SHROOM2: variants seen among roughly 807,000 people sequenced by gnomAD.
The protein encoded by SHROOM2 is protein Shroom2.
A neutral mutation model predicts 75.9 loss-of-function variants in SHROOM2; 33 were observed. The ratio of observed to expected loss-of-function variants is 0.43; its 90% CI spans 0.33 to 0.58. The LOEUF is 0.58. Among genes scored for constraint, SHROOM2 ranks in the 20% least tolerant of loss-of-function variants. The pLI, the probability that SHROOM2 is intolerant of heterozygous loss-of-function variation, is 0.04. For missense variants in SHROOM2, 1,434 were observed against 1,461.2 expected, an observed-to-expected ratio of 0.98 and a Z score of 0.30; for synonymous variants, 655 against 663.6, an observed-to-expected ratio of 0.99 and a Z score of 0.20.
At chrX:9,913,218 A>G (rs1434459902) in intron 5 of SHROOM2, 1 of 112,589 alleles carries the variant, frequency 8.9e-6, no homozygotes, top group Non-Finnish European at 1.9e-5. Context: ...GCGGACATTG[A>G]GAAAAAATGG....
intron 2 of SHROOM2, among the ~76,000 whole-genome samples, chrX:9,877,050 C>T (rs1440762562): frequency 8.9e-6 from 1 of 112,071 alleles, no homozygotes; most frequent in African/African-American, 3.2e-5. Flanking sequence ...TTTGTAGGCT[C>T]ATTTTATCTT....
rs185639335 is a variant in SHROOM2 at position 9,873,067 on chromosome X, G to C, written c.166-585G>C. On this transcript the variant is annotated intron_variant, in intron 1 of 9. Coordinates refer to ENST00000380913, the MANE Select transcript of SHROOM2 (RefSeq NM_001649.4). ...TTGTATTACTCCATTTATGTGAACT[G>C]TCTAGGACAGGCAAATTCATGGACA... Among the ~76,000 whole-genome samples the C allele has an allele frequency of 4.9e-3, 551 of 112,181 alleles. 1 individual carries two copies. Among genetic ancestry groups the C allele is most frequent in the African/African-American group, 0.017 (535 of 30,845 alleles).
intron 5 of SHROOM2, among the ~76,000 whole-genome samples, chrX:9,928,567 GAC>G (rs1178575311): frequency 9.0e-6 from 1 of 111,615 alleles, no homozygotes; most frequent in African/African-American, 3.3e-5. Flanking sequence ...GCACAACAGA[GAC>G]ACACGTACCT....
At chrX:9,931,275 A>T (rs2084645930) in intron 5 of SHROOM2, among the ~76,000 whole-genome samples, 1 of 109,576 alleles carries the variant, frequency 9.1e-6, no homozygotes, top group African/African-American at 3.3e-5. Flanking sequence ...ACACTTTGGG[A>T]GGCCGAGGCA....
rs1395621957 is a variant in SHROOM2, at chrX:9,932,471, A to G, written c.3188A>G (p.Gln1063Arg). 2 of 1,206,129 alleles carry G rather than the reference A, an allele frequency of 1.7e-6. No homozygotes were observed. Among genetic ancestry groups the G allele is most frequent in the Non-Finnish European group, 1.1e-6 (1 of 892,811 alleles). ...SALLSKRPAP[Q>R]RPPPPKREPR... ...CTGCTCTCCAAGAGGCCAGCCCCAC[A>G]GAGGCCACCGCCACCCAAGCGCGAG... Residue 1063 changes from glutamine (Q) to arginine (R), a missense_variant, in exon 6 of 10, where the codon CAG becomes CGG. Physicochemically the swap from Gln to Arg is conservative, Grantham distance 43. This residue lies in a region of SHROOM2 where 1,340 missense variants were observed against 1,338.3 expected (regional missense o/e 1.00). Coordinates refer to ENST00000380913, the MANE Select transcript of SHROOM2 (RefSeq NM_001649.4).
At chrX:9,910,040 C>G (rs1456376428) in intron 5 of SHROOM2, among the ~76,000 whole-genome samples, 1 of 110,294 alleles carries the variant, frequency 9.1e-6, no homozygotes, top group Non-Finnish European at 1.9e-5. Context: ...ACCTCATCAC[C>G]TCCCAGAGGC....
chrX:9,830,696 G>A (rs2083911915), intron 1 of SHROOM2, among the ~76,000 whole-genome samples: 1 of 99,947 alleles, frequency 1.0e-5, no homozygotes, highest in Non-Finnish European at 2.0e-5. Flanking sequence ...CCACCTCTTG[G>A]GTTCGAGCGA....
At chrX:9,846,145 G>A (rs1016579282) in intron 1 of SHROOM2, among the ~76,000 whole-genome samples, 66 of 109,166 alleles carry the variant, frequency 6.0e-4, no homozygotes, top group Middle Eastern at 4.2e-3. Flanking sequence ...TTTGAGACAG[G>A]ATCTCACTCT....
At chrX:9,893,285 T>C (rs185787422) in intron 3 of SHROOM2, among the ~76,000 whole-genome samples, 26 of 111,145 alleles carry the variant, frequency 2.3e-4, no homozygotes, top group East Asian at 8.5e-4. Flanking sequence ...TAAAAAGTTT[T>C]TATAGAGATG....
Position 9,895,384 on chromosome X carries a change from G to A in SHROOM2, c.1476G>A (p.Ala492=), listed in dbSNP as rs374614082. 46 of 1,199,797 alleles carry A rather than the reference G, an allele frequency of 3.8e-5. No homozygotes were observed. Among genetic ancestry groups the A allele is most frequent in the Middle Eastern group, 2.3e-4 (1 of 4,307 alleles). ...QGDLQAAQLW[A]GCWPSDTALG... is the part of the protein sequence containing the mutation. Reference sequence around the variant, plus strand: ...ACCTGCAAGCAGCACAGCTCTGGGCGGGATGCTGGCCTTCTGACACAGCCC... The same window carrying A: ...ACCTGCAAGCAGCACAGCTCTGGGCAGGATGCTGGCCTTCTGACACAGCCC... Residue 492 remains alanine (A), a synonymous_variant, in exon 4 of 10, where the codon GCG becomes GCA. Coordinates refer to ENST00000380913, the MANE Select transcript of SHROOM2 (RefSeq NM_001649.4).
chrX:9,794,367 T>C (rs1449669259), intron 1 of SHROOM2, among the ~76,000 whole-genome samples: 1 of 111,457 alleles, frequency 9.0e-6, no homozygotes, highest in Non-Finnish European at 1.9e-5. Context: ...TCTCTTCTCT[T>C]CTCTTCTTTT....
At chrX:9,919,329 T>A (rs893880995) in intron 5 of SHROOM2, among the ~76,000 whole-genome samples, 2 of 81,037 alleles carry the variant, frequency 2.5e-5, no homozygotes, top group Non-Finnish European at 4.7e-5. Context: ...GGTTGCTTTT[T>A]TTTTTTTTTT....
intron 1 of SHROOM2, among the ~76,000 whole-genome samples, chrX:9,824,485 A>G (rs1199746099): frequency 8.9e-6 from 1 of 111,905 alleles, no homozygotes; most frequent in Non-Finnish European, 1.9e-5. Context: ...AAGATCATGG[A>G]TTTCTAGTAA....
At chrX:9,849,658 C>A (rs1240177740) in intron 1 of SHROOM2, among the ~76,000 whole-genome samples, 1 of 111,357 alleles carries the variant, frequency 9.0e-6, no homozygotes, top group Non-Finnish European at 1.9e-5. Context: ...GCTGAGCACC[C>A]CCACCACCAC....
At chrX:9,797,220 G>A (rs1250671253) in intron 1 of SHROOM2, among the ~76,000 whole-genome samples, 1 of 111,994 alleles carries the variant, frequency 8.9e-6, no homozygotes, top group African/African-American at 3.2e-5. Flanking sequence ...GAGTGCAGCT[G>A]CAGCCATGCC....
intron 1 of SHROOM2, among the ~76,000 whole-genome samples, chrX:9,816,578 C>CT (rs2083822954): frequency 1.1e-5 from 1 of 93,837 alleles, no homozygotes; most frequent in African/African-American, 4.5e-5. Context: ...TCAGCCTTAC[C>CT]CCCTGCTGCT....
chrX:9,842,638 C>T (rs1416043471), intron 1 of SHROOM2, among the ~76,000 whole-genome samples: 1 of 112,487 alleles, frequency 8.9e-6, no homozygotes, highest in African/African-American at 3.2e-5. Context: ...CAAAGGAATT[C>T]CCCCTCTTCC....
chrX:9,920,290 G>A (rs978104169), intron 5 of SHROOM2, among the ~76,000 whole-genome samples: 7 of 112,414 alleles, frequency 6.2e-5, no homozygotes, highest in Non-Finnish European at 9.4e-5. Context: ...CTGATACCCC[G>A]ATAGAGTTGT....
chrX:9,836,231 G>A (rs2083943849), intron 1 of SHROOM2, among the ~76,000 whole-genome samples: 1 of 112,122 alleles, frequency 8.9e-6, no homozygotes, highest in Admixed American at 9.4e-5. Context: ...GTGGACAGCT[G>A]CCCTTGGGTA....
Sources: allele counts gnomAD v4.1 joint callset (sites outside exome capture counted in the v4.1 genomes callset), GRCh38; gene constraint gnomAD v4.1.1; regional missense constraint gnomAD v4.1.1; transcripts MANE v1.5; gene names NCBI Gene and HGNC (gene_info 2026-07-23, HGNC 2026-07-21).